The following ZNF407 variants were observed in gnomAD, a reference collection of about 807,000 sequenced individuals.
ZNF407 encodes the protein zinc finger protein 407.
In ZNF407, 17 loss-of-function variants were observed where a neutral mutation model predicts 131.2. That is an observed-to-expected ratio of 0.13 (90% CI 0.09 to 0.19). ZNF407 has a LOEUF of 0.19. ZNF407 is among the 10% of genes least tolerant of loss of function. The pLI is 1.00. For synonymous variants in ZNF407, 1,156 were observed against 1,062.0 expected (o/e 1.09, Z -1.72); for missense variants, 2,681 against 2,830.6 (o/e 0.95, Z 1.20).
chr18:74,802,652 G>A (rs991478628), intron 4 of ZNF407, among the ~76,000 whole-genome samples: 3 of 152,000 alleles, frequency 2.0e-5, no homozygotes, highest in Non-Finnish European at 2.9e-5. Context: ...ATTGTTTGAC[G>A]GAAAATTTTG....
rs200972611 is a variant in ZNF407 at position 74,631,330 on chromosome 18, G to C, written c.311G>C (p.Gly104Ala). The C allele has an allele frequency of 1.9e-6, 3 of 1,613,994 alleles. No individual in the cohort carries two copies. The highest frequency in any genetic ancestry group is 2.5e-6 in the Non-Finnish European group (3 of 1,179,888). ...ACTTCTGAGAGCTCAGTCACAGAAG[G>C]GGGTATTGCATTAGATGAAACAGGG... ...LETSESSVTE[G>A]GIALDETGKE... Residue 104 changes from glycine (G) to alanine (A), a missense_variant, in exon 2 of 9, where the codon GGG becomes GCG. Gly to Ala is a moderately conservative substitution (Grantham distance 60). Transcript: ENST00000299687.
intron 8 of ZNF407, among the ~76,000 whole-genome samples, chr18:74,981,663 G>A (rs376848566): frequency 6.8e-6 from 1 of 148,048 alleles, no homozygotes; most frequent in Non-Finnish European, 1.5e-5. Flanking sequence ...CTGGAGGAGC[G>A]CAGGATGTGA....
intron 4 of ZNF407, among the ~76,000 whole-genome samples, chr18:74,844,794 C>T (rs780752940): frequency 3.4e-4 from 52 of 152,070 alleles, no homozygotes; most frequent in Non-Finnish European, 6.8e-4. Flanking sequence ...TGATGGGGCC[C>T]AGAGGGAGTG....
chr18:75,026,969 G>T (rs1223306201), intron 8 of ZNF407, among the ~76,000 whole-genome samples: 1 of 152,176 alleles, frequency 6.6e-6, no homozygotes, highest in Non-Finnish European at 1.5e-5. Context: ...CACAGAGCTT[G>T]CATTCTACAT....
chr18:74,920,823 C>T lies in ZNF407; in HGVS notation c.5428+131C>T, dbSNP rs1028814202. 12 of 1,317,798 alleles carry T rather than the reference C, an allele frequency of 9.1e-6. No individual in the cohort carries two copies. In the African/African-American group the frequency reaches 1.8e-4, roughly 19 times the overall value. The allele number at this position is 1,317,798 out of a possible 1,614,324, so 81.6% of individuals were successfully genotyped here. ...GTATGTGATAGTATCTGCTTCAAGA[C>T]CTATAGAAAAGTACATTCCAGTTTG... On this transcript the variant is annotated intron_variant, in intron 8 of 8. Transcript: ENST00000299687.
At chr18:74,747,893 A>G (rs1328110837) in intron 3 of ZNF407, among the ~76,000 whole-genome samples, 1 of 152,124 alleles carries the variant, frequency 6.6e-6, no homozygotes, top group East Asian at 1.9e-4. Flanking sequence ...ATATACACGT[A>G]TGTTTTTGGG....
chr18:74,743,582 A>C (rs1599116508), intron 3 of ZNF407, among the ~76,000 whole-genome samples: 1 of 152,304 alleles, frequency 6.6e-6, no homozygotes, highest in South Asian at 2.1e-4. Flanking sequence ...GTAGTGATAA[A>C]ATCCTAATGA....
chr18:74,978,833 G>T (rs932327836), intron 8 of ZNF407, among the ~76,000 whole-genome samples: 8 of 152,174 alleles, frequency 5.3e-5, no homozygotes, highest in African/African-American at 1.9e-4. Context: ...GAAGGAAGTA[G>T]CTTCAGCCCG....
In ZNF407 at chr18:74,877,202, T is replaced by C. The variant is rs769023911; in HGVS notation, c.4883T>C (p.Phe1628Ser). The part of the protein sequence containing the change: ...HGVGTPKERK[F>S]TCHLCDRSFT... ...TTTCTCTCTCCTTCATGCAGGAAATTTACATGCCACTTATGTGATAGAAGT... is the reference window on the plus strand; with the variant it reads ...TTTCTCTCTCCTTCATGCAGGAAATCTACATGCCACTTATGTGATAGAAGT... Residue 1628 changes from phenylalanine (F) to serine (S), a missense_variant, in exon 5 of 9, where the codon TTT (phenylalanine) becomes TCT (serine). Physicochemically the swap from Phe to Ser is radical, Grantham distance 155. Coordinates refer to ENST00000299687, the MANE Select transcript of ZNF407 (RefSeq NM_017757.3). 6.2e-7 allele frequency: 1 copy of C among 1,613,910 alleles called. No individual in the cohort carries two copies. The highest frequency in any genetic ancestry group is 8.5e-7 in the Non-Finnish European group (1 of 1,179,854).
intron 3 of ZNF407, among the ~76,000 whole-genome samples, chr18:74,682,540 G>C (rs971217318): frequency 3.3e-5 from 5 of 152,196 alleles, no homozygotes; most frequent in African/African-American, 1.2e-4. Flanking sequence ...TTTCTAAGGT[G>C]TGTAAGTAGC....
At chr18:74,874,850 T>G (rs1381211126) in intron 4 of ZNF407, among the ~76,000 whole-genome samples, 1 of 152,198 alleles carries the variant, frequency 6.6e-6, no homozygotes, top group Non-Finnish European at 1.5e-5. Flanking sequence ...GATTTCTCTG[T>G]GCTATGTGGA....
intron 4 of ZNF407, among the ~76,000 whole-genome samples, chr18:74,805,363 C>T (rs1247088544): frequency 6.6e-6 from 1 of 152,158 alleles, no homozygotes; most frequent in Non-Finnish European, 1.5e-5. Flanking sequence ...TTTCTGCTTT[C>T]TGCTCCTAAA....
At chr18:74,817,702 C>T (rs1350195170) in intron 4 of ZNF407, among the ~76,000 whole-genome samples, 1 of 152,096 alleles carries the variant, frequency 6.6e-6, no homozygotes, top group Non-Finnish European at 1.5e-5. Context: ...TGTTCAAGAT[C>T]CAGTGAAGAC....
chr18:74,690,447 T>G lies in ZNF407; in HGVS notation c.4802+49325T>G, dbSNP rs201301867. Among the ~76,000 whole-genome samples the G allele has an allele frequency of 6.6e-4, 88 of 133,908 alleles. 1 individual carries two copies. The highest frequency in any genetic ancestry group is 4.1e-3 in the Admixed American group (54 of 13,060). 87.8% of individuals were successfully genotyped at this position (133,908 alleles called of 152,430 possible). On this transcript the variant is annotated intron_variant, in intron 3 of 8. Transcript: ENST00000299687. ...CTGGATTAGTTTTTTTTTGTTTTTT[T>G]GGGGGTTTTTTTTGGTGTTTATTAT...
chr18:74,759,113 C>T (rs1195934635), intron 3 of ZNF407, among the ~76,000 whole-genome samples: 2 of 151,984 alleles, frequency 1.3e-5, no homozygotes, highest in Admixed American at 1.3e-4. Context: ...TTTGCTGATA[C>T]AGAAATTTAG....
intron 8 of ZNF407, among the ~76,000 whole-genome samples, chr18:74,927,808 C>T (rs778108681): frequency 6.7e-6 from 1 of 148,998 alleles, no homozygotes; most frequent in Non-Finnish European, 1.5e-5. Flanking sequence ...TAATGAATCT[C>T]ATAACAACAA....
At chr18:74,864,001 C>T (rs1970975058) in intron 4 of ZNF407, among the ~76,000 whole-genome samples, 1 of 152,162 alleles carries the variant, frequency 6.6e-6, no homozygotes, top group African/African-American at 2.4e-5. Flanking sequence ...ATTCAAACCT[C>T]TGTCTCCTGC....
chr18:74,672,178 T>C (rs1266157571), intron 3 of ZNF407, among the ~76,000 whole-genome samples: 2 of 152,214 alleles, frequency 1.3e-5, no homozygotes, highest in South Asian at 4.1e-4. Context: ...CAACAGTGTA[T>C]AAGTATTCCT....
At chr18:75,046,271 C>T (rs1973434499) in intron 8 of ZNF407, among the ~76,000 whole-genome samples, 1 of 152,018 alleles carries the variant, frequency 6.6e-6, no homozygotes, top group African/African-American at 2.4e-5. Flanking sequence ...ATAGACTAAG[C>T]GGTGATCAGA....
Sources: gnomAD v4.1 joint callset for allele counts (sites outside exome capture counted in the v4.1 genomes callset) on GRCh38, gnomAD v4.1.1 for gene constraint, MANE v1.5 for transcripts, NCBI Gene and HGNC (gene_info 2026-07-23, HGNC 2026-07-21) for gene names.